The following MDC1 variants were observed in gnomAD, a reference collection of about 807,000 sequenced individuals.
The protein encoded by MDC1 is mediator of DNA damage checkpoint protein 1.
In MDC1, 81 loss-of-function variants were observed where a neutral mutation model predicts 142.5. The observed-to-expected ratio is 0.57, with a 90% confidence interval of 0.47 to 0.68. The LOEUF is 0.68. Among genes scored for constraint, MDC1 ranks in the 30% least tolerant of loss-of-function variants. The probability of loss-of-function intolerance (pLI) is 0.00; values close to 1 mark genes in which losing one functional copy is unlikely to be tolerated. For synonymous variants in MDC1, 797 were observed against 968.4 expected (o/e 0.82, Z 3.29); for missense variants, 2,119 against 2,547.9 (o/e 0.83, Z 3.62).
rs1430547114 is a variant in MDC1 at position 30,715,320 on chromosome 6, C to T, written c.-3-142G>A. On this transcript the variant is annotated intron_variant, in intron 1 of 14. Coordinates refer to ENST00000376406, the MANE Select transcript of MDC1 (RefSeq NM_014641.3). This position sits in a 1 kb window ranked among gnomAD's most constrained non-coding sequence, Gnocchi z 4.1. ...TTTCCACCAATCTTTCTGTTGTTAACCTTCTGAAGCACTTAAAACATTTTT... is the reference window on the plus strand; with the variant it reads ...TTTCCACCAATCTTTCTGTTGTTAATCTTCTGAAGCACTTAAAACATTTTT... The T allele has an allele frequency of 3.1e-6, 3 of 961,026 alleles. No individual in the cohort carries two copies. Among genetic ancestry groups the T allele is most frequent in the Non-Finnish European group, 4.7e-6 (3 of 636,686 alleles). 59.5% of individuals were successfully genotyped at this position (961,026 alleles called of 1,614,324 possible).
intron 7 of MDC1, among the ~76,000 whole-genome samples, chr6:30,708,855 C>CAAAAAAAAAAAAAAAAAAAA (rs59939040): frequency 1.6e-4 from 9 of 55,234 alleles, no homozygotes; most frequent in Non-Finnish European, 2.4e-4. Flanking sequence ...GACTCTGTCT[C>CAAAAAAAAAAAAAAAAAAAA]AAAAAAAAAA....
intron 7 of MDC1, among the ~76,000 whole-genome samples, chr6:30,710,635 G>A (rs1263514517): frequency 1.3e-5 from 2 of 152,154 alleles, no homozygotes; most frequent in African/African-American, 4.8e-5. Flanking sequence ...GATCTCAGGT[G>A]ATCTGCCTGC....
Position 30,715,318 on chromosome 6 carries a change from A to C in MDC1, c.-3-140T>G. On this transcript the variant is annotated intron_variant, in intron 1 of 14. Transcript: ENST00000376406. This position sits in a 1 kb window ranked among gnomAD's most constrained non-coding sequence, Gnocchi z 4.1. ...TCTTTCCACCAATCTTTCTGTTGTT[A>C]ACCTTCTGAAGCACTTAAAACATTT... 1 of 990,488 alleles carries C rather than the reference A, an allele frequency of 1.0e-6. No homozygotes were observed. The highest frequency in any genetic ancestry group is 1.5e-5 in the South Asian group (1 of 66,290). The allele number at this position is 990,488 out of a possible 1,614,324, so 61.4% of individuals were successfully genotyped here.
At position 30,711,904 on chromosome 6, in the gene MDC1, C is replaced by A. The variant is rs754971883; in HGVS notation, c.2038G>T (p.Gly680Trp). The part of the protein sequence containing the change: ...TGREREQHVG[G>W]TKDSEDNYGD... ...TAGTTGTCTTCAGAGTCCTTGGTCC[C>A]ACCCACATGTTGTTCTCTCTCCCTT... Residue 680 changes from glycine to tryptophan, a missense_variant, in exon 5 of 15, where the codon GGG becomes TGG. Transcript: ENST00000376406. 1 of 1,533,748 alleles carries A rather than the reference C, an allele frequency of 6.5e-7. No individual in the cohort carries two copies. The highest frequency in any genetic ancestry group is 8.8e-7 in the Non-Finnish European group (1 of 1,142,470).
rs759390650 is a variant in MDC1, at chr6:30,713,798, C to T, written c.517+5G>A. ...CTCATTCTCCCTGCCAATATACAAA[C>T]TTACCTACTTCCTCCTCCGAGTCCT... On this transcript the variant is annotated splice_donor_5th_base_variant and intron_variant, in intron 3 of 14. Transcript: ENST00000376406. This position sits in a 1 kb window ranked among gnomAD's most constrained non-coding sequence, Gnocchi z 4.9. 1 of 1,613,710 alleles carries T rather than the reference C, an allele frequency of 6.2e-7. No homozygotes were observed. The highest frequency in any genetic ancestry group is 1.3e-5 in the African/African-American group (1 of 74,886).
At chr6:30,707,340 T>C (rs563931528) in intron 9 of MDC1, 44 bp downstream of exon 9, 12 of 1,560,070 alleles carry the variant, frequency 7.7e-6, no homozygotes, top group East Asian at 2.2e-5. Context: ...GGAGAAGATA[T>C]AGAGATGACT....
chr6:30,702,841 A>AC lies in MDC1; in HGVS notation c.5901_5902insG (p.Tyr1968ValfsTer7). ...TCTTGCTCAGGGTCGGTCACCACAT[A>AC]TTCATCCGGGGGTAAGAAGAAACCA... On this transcript the variant is annotated frameshift_variant, in exon 13 of 15. Transcript: ENST00000376406. LOFTEE classifies it high-confidence loss of function. 6.2e-7 allele frequency: 1 copy of AC among 1,613,144 alleles called. No individual in the cohort carries two copies. The highest frequency in any genetic ancestry group is 8.5e-7 in the Non-Finnish European group (1 of 1,180,046).
intron 14 of MDC1, among the ~76,000 whole-genome samples, chr6:30,702,179 T>C (rs3094090): frequency 0.13 from 17,793 of 138,658 alleles, 1,644 homozygotes; most frequent in African/African-American, 0.27. Context: ...AGGAGAATGG[T>C]GTGAACCCAG....
rs545354255 is a variant in MDC1 at position 30,703,527 on chromosome 6, G to T, written c.5573C>A (p.Thr1858Asn). 6.2e-7 allele frequency: 1 copy of T among 1,613,142 alleles called. No homozygotes were observed. Among genetic ancestry groups the T allele is most frequent in the African/African-American group, 1.3e-5 (1 of 75,018 alleles). Residue 1858 changes from threonine to asparagine, a missense_variant, in exon 11 of 15, where the codon ACT (threonine) becomes AAT (asparagine). Transcript: ENST00000376406. This position sits in a 1 kb window ranked among gnomAD's most constrained non-coding sequence, Gnocchi z 4.4. ...TCTCTTTCTCTTGCCTGGTTTTGGA[G>T]TCACGACATCCTGAGATTGAGAAAA... Reference protein sequence around the residue: ...EKPGKEEDVVTPKPGKRKRDQ... With the variant: ...EKPGKEEDVVNPKPGKRKRDQ...
Position 30,702,923 on chromosome 6 carries a change from A to G in MDC1, c.5866-46T>C, listed in dbSNP as rs2239886. 1.9e-6 allele frequency: 3 copies of G among 1,611,932 alleles called. No homozygotes were observed. The South Asian group carries it at 3.3e-5, about 18-fold the overall frequency. Reference sequence around the variant, plus strand: ...CATCAAAGCTCAGCCCAGCCCCTCAATCAGCTCTGCTGCCTAGCATTTAGA... The same window carrying G: ...CATCAAAGCTCAGCCCAGCCCCTCAGTCAGCTCTGCTGCCTAGCATTTAGA... On this transcript the variant is annotated intron_variant, in intron 12 of 14. Coordinates refer to ENST00000376406, the MANE Select transcript of MDC1 (RefSeq NM_014641.3).
At position 30,712,130 on chromosome 6, in the gene MDC1, C is replaced by T; in HGVS notation, c.1812G>A (p.Gly604=). The part of the protein sequence containing the change: ...DVRKSQLPAE[G]DAGAEWAAAV... ...CTGCAGCCCACTCTGCCCCAGCATC[C>T]CCTTCTGCTGGAAGCTGGCTCTTTC... Residue 604 remains glycine (G), a synonymous_variant, in exon 5 of 15, where the codon GGG becomes GGA. Transcript: ENST00000376406. The surrounding 1 kb of genome is among the most constrained non-coding windows in gnomAD (Gnocchi z 4.7). 6.2e-7 allele frequency: 1 copy of T among 1,610,852 alleles called. No individual in the cohort carries two copies. The highest frequency in any genetic ancestry group is 8.5e-7 in the Non-Finnish European group (1 of 1,178,862).
Position 30,713,488 on chromosome 6 carries a change from G to A in MDC1, c.588-134C>T. The A allele has an allele frequency of 7.9e-7, 1 of 1,267,752 alleles. No individual in the cohort carries two copies. The highest frequency in any genetic ancestry group is 1.5e-5 in the South Asian group (1 of 65,742). 78.5% of individuals were successfully genotyped at this position (1,267,752 alleles called of 1,614,324 possible). On this transcript the variant is annotated intron_variant, in intron 4 of 14. Transcript: ENST00000376406. The surrounding 1 kb of genome is among the most constrained non-coding windows in gnomAD (Gnocchi z 4.9). ...CTGTTTCCAATTTGTTTTCCACTTGGCACATCAGATGTGCTCCATAAAAAT... is the reference window on the plus strand; with the variant it reads ...CTGTTTCCAATTTGTTTTCCACTTGACACATCAGATGTGCTCCATAAAAAT...
intron 7 of MDC1, 101 bp downstream of exon 7, chr6:30,711,311 C>A: frequency 9.5e-7 from 1 of 1,055,808 alleles, no homozygotes; most frequent in Non-Finnish European, 1.4e-6. Context: ...GCGGAGGTTA[C>A]AGTGAGCCGA....
In MDC1 at chr6:30,708,120, G is replaced by T; in HGVS notation, c.2459C>A (p.Thr820Lys). The stretch of plus-strand genomic sequence containing the variant: ...TCTCTCAGGGCCCACCCTCTCTGCT[G>T]TTTCTTTTGGTATACCCATGACTTT... ...VDKVMGIPKE[T>K]AERVGPERGP... The change falls in exon 8 of 15, where the codon ACA becomes AAA. Residue 820 changes from threonine (T) to lysine (K), a missense_variant. Physicochemically the swap from Thr to Lys is moderately conservative, Grantham distance 78 (BLOSUM62 -1). Coordinates refer to ENST00000376406, the MANE Select transcript of MDC1 (RefSeq NM_014641.3). 3 of 1,613,056 alleles carry T rather than the reference G, an allele frequency of 1.9e-6. No individual in the cohort carries two copies. The highest frequency in any genetic ancestry group is 2.5e-6 in the Non-Finnish European group (3 of 1,180,016).
At chr6:30,707,236 A>G in intron 9 of MDC1, 148 bp downstream of exon 9, 4 of 785,004 alleles carry the variant, frequency 5.1e-6, no homozygotes, top group Non-Finnish European at 8.3e-6. Flanking sequence ...GCCGAGGATA[A>G]AGGAATAGAA....
Position 30,713,233 on chromosome 6 carries a change from C to A in MDC1, c.709G>T (p.Ala237Ser), listed in dbSNP as rs1253004104. 3.1e-6 allele frequency: 5 copies of A among 1,613,138 alleles called. No individual in the cohort carries two copies. The highest frequency in any genetic ancestry group is 4.2e-6 in the Non-Finnish European group (5 of 1,180,040). ...QPATEEASSA[A>S]RRGATVEAKQ... ...GCCTCTACAGTGGCACCTCTTCTGG[C>A]AGCTGAGGAGGCCTCCTCTGTGGCT... The change falls in exon 5 of 15, where the codon GCC becomes TCC. Residue 237 changes from alanine (A) to serine (S), a missense_variant. Coordinates refer to ENST00000376406, the MANE Select transcript of MDC1 (RefSeq NM_014641.3). The surrounding 1 kb of genome is among the most constrained non-coding windows in gnomAD (Gnocchi z 4.9).
In MDC1 at chr6:30,714,513, AT is replaced by A. The variant is rs201352106; in HGVS notation, c.137-331del. ...AGAGCACACAATTGGATTTTATTTG[AT>A]TTTTTTTTTTTTTTTGAGACAGGGT... On this transcript the variant is annotated intron_variant, in intron 2 of 14. Coordinates refer to ENST00000376406, the MANE Select transcript of MDC1 (RefSeq NM_014641.3). Among the ~76,000 whole-genome samples the A allele has an allele frequency of 9.0e-3, 1,267 of 141,330 alleles. 5 individuals are homozygous for A. Among genetic ancestry groups the A allele is most frequent in the African/African-American group, 0.02 (779 of 38,692 alleles). The allele number at this position is 141,330 out of a possible 152,430, so 92.7% of individuals were successfully genotyped here.
At chr6:30,707,319 G>C in intron 9 of MDC1, 65 bp downstream of exon 9, 1 of 1,494,312 alleles carries the variant, frequency 6.7e-7, no homozygotes, top group South Asian at 1.1e-5. Context: ...GAGGCTAGGT[G>C]AAAGAGCATT....
chr6:30,713,303 G>A lies in MDC1; in HGVS notation c.639C>T (p.Ala213=). Residue 213 remains alanine, a synonymous_variant, in exon 5 of 15, where the codon GCC becomes GCT. Coordinates refer to ENST00000376406, the MANE Select transcript of MDC1 (RefSeq NM_014641.3). The surrounding 1 kb of genome is among the most constrained non-coding windows in gnomAD (Gnocchi z 4.9). ...PVLGGLGPPF[A]FNLNSDTDVE... is the part of the protein sequence containing the mutation. ...CATCTGTGTCACTGTTCAAATTGAA[G>A]GCAAAAGGCGGCCCAAGGCCGCCCA... is the stretch of plus-strand genomic sequence containing the variant. 3 of 1,604,764 alleles carry A rather than the reference G, an allele frequency of 1.9e-6. No homozygotes were observed. Among genetic ancestry groups the A allele is most frequent in the Non-Finnish European group, 1.7e-6 (2 of 1,177,288 alleles).
Sources: gnomAD v4.1 joint callset for allele counts (sites outside exome capture counted in the v4.1 genomes callset) on GRCh38, gnomAD v4.1.1 for gene constraint, Gnocchi (gnomAD v3.1) non-coding constraint, MANE v1.5 for transcripts, NCBI Gene and HGNC (gene_info 2026-07-23, HGNC 2026-07-21) for gene names.